Variants in SUGCT observed in about 807,000 individuals in gnomAD.
SUGCT encodes succinyl-CoA:glutarate-CoA transferase, also known as succinyl-CoA:glutarate CoA-transferase.
SUGCT carries 41 observed loss-of-function variants against 55.0 expected under a neutral mutation model. The observed-to-expected ratio is 0.74, with a 90% CI of 0.58 to 0.97. The LOEUF is 0.97. Ranked by LOEUF, SUGCT falls within the 50% of genes least tolerant of loss-of-function variation. SUGCT has a pLI of 0.00. For missense variants in SUGCT, 568 were observed against 547.8 expected, an observed-to-expected ratio of 1.04 and a Z score of -0.37; for synonymous variants, 187 against 200.4, an observed-to-expected ratio of 0.93 and a Z score of 0.56.
At chr7:40,538,480 G>T (rs184207965) in intron 12 of SUGCT, 2 of 152,068 alleles carry the variant, frequency 1.3e-5, no homozygotes, top group Non-Finnish European at 2.9e-5. Context: ...TCCTAAAATG[G>T]TCTCAATTAG....
intron 12 of SUGCT, among the ~76,000 whole-genome samples, chr7:40,680,331 AC>A (rs1277429020): frequency 1.3e-5 from 2 of 152,188 alleles, no homozygotes; most frequent in African/African-American, 4.8e-5. Flanking sequence ...GCAAATAGAA[AC>A]AAAAAAATCT....
chr7:41,010,582 G>A, the SUGCT span, among the ~76,000 whole-genome samples: 1 of 152,214 alleles, frequency 6.6e-6, no homozygotes, highest in Non-Finnish European at 1.5e-5. Flanking sequence ...ACTTGGAGAG[G>A]AGAAGTCACA....
At chr7:40,782,312 A>G (rs760846865) in intron 13 of SUGCT, among the ~76,000 whole-genome samples, 2 of 152,128 alleles carry the variant, frequency 1.3e-5, no homozygotes, top group Non-Finnish European at 2.9e-5. Flanking sequence ...TGACCAATTC[A>G]TCAGTAACTT....
chr7:40,275,919 G>A (rs1244565738), intron 8 of SUGCT, among the ~76,000 whole-genome samples: 1 of 152,082 alleles, frequency 6.6e-6, no homozygotes, highest in Non-Finnish European at 1.5e-5. Context: ...TTCCGTGATA[G>A]AAAAAGAAAA....
intron 9 of SUGCT, among the ~76,000 whole-genome samples, chr7:40,410,376 G>T (rs566262485): frequency 5.9e-5 from 9 of 152,002 alleles, no homozygotes; most frequent in Non-Finnish European, 8.8e-5. Context: ...AGGCAATAGG[G>T]AGACACTATT....
intron 9 of SUGCT, among the ~76,000 whole-genome samples, chr7:40,338,550 AG>A (rs1796852230): frequency 6.6e-6 from 1 of 152,194 alleles, no homozygotes; most frequent in South Asian, 2.1e-4. Context: ...CGGCTGCTGA[AG>A]CTTGTGCATT....
intron 1 of SUGCT, among the ~76,000 whole-genome samples, chr7:40,177,771 A>G (rs1033566771): frequency 2.0e-5 from 3 of 151,964 alleles, no homozygotes; most frequent in Non-Finnish European, 2.9e-5. Flanking sequence ...TATTTTTGAG[A>G]TGGAGTCTCC....
intron 9 of SUGCT, among the ~76,000 whole-genome samples, chr7:40,441,527 A>C (rs1249188559): frequency 1.3e-5 from 2 of 152,208 alleles, no homozygotes; most frequent in Non-Finnish European, 2.9e-5. Flanking sequence ...ATTTTGAAAA[A>C]GATATTTTGT....
chr7:40,996,433 A>G, the SUGCT span, among the ~76,000 whole-genome samples: 1 of 152,176 alleles, frequency 6.6e-6, no homozygotes, highest in Admixed American at 6.5e-5. Context: ...TTTAGAAGGC[A>G]GTGGTTTGTT....
intron 9 of SUGCT, among the ~76,000 whole-genome samples, chr7:40,420,484 G>A (rs974086427): frequency 6.6e-6 from 1 of 151,852 alleles, no homozygotes; most frequent in African/African-American, 2.4e-5. Flanking sequence ...GATTACAGGT[G>A]CCCGCCACCA....
intron 8 of SUGCT, among the ~76,000 whole-genome samples, chr7:40,293,448 T>A (rs1793918224): frequency 6.6e-6 from 1 of 152,232 alleles, no homozygotes; most frequent in African/African-American, 2.4e-5. Flanking sequence ...ACTGAGGTTT[T>A]AAAAATCTCT....
the SUGCT span, among the ~76,000 whole-genome samples, chr7:40,958,347 G>A: frequency 6.6e-6 from 1 of 151,762 alleles, no homozygotes; most frequent in Non-Finnish European, 1.5e-5. Context: ...TTTTTTGGAG[G>A]CTTTGTTCAT....
At chr7:40,517,857 C>T (rs1793331010) in intron 12 of SUGCT, among the ~76,000 whole-genome samples, 1 of 152,018 alleles carries the variant, frequency 6.6e-6, no homozygotes, top group South Asian at 2.1e-4. Flanking sequence ...CCCGGTAGAT[C>T]TTAAATCTAT....
At chr7:40,500,768 A>C (rs959914092) in intron 12 of SUGCT, among the ~76,000 whole-genome samples, 4 of 152,132 alleles carry the variant, frequency 2.6e-5, no homozygotes, top group Non-Finnish European at 5.9e-5. Context: ...ATATCTGAGC[A>C]TCTTATTTTT....
intron 1 of SUGCT, among the ~76,000 whole-genome samples, chr7:40,176,614 A>G (rs1364314263): frequency 1.3e-5 from 2 of 151,926 alleles, no homozygotes; most frequent in African/African-American, 2.4e-5. Flanking sequence ...AAATTGCTAA[A>G]TAACCTGATT....
chr7:40,616,053 G>T (rs1028398803), intron 12 of SUGCT, among the ~76,000 whole-genome samples: 3 of 152,128 alleles, frequency 2.0e-5, no homozygotes, highest in African/African-American at 7.2e-5. Flanking sequence ...ACTACCTAAT[G>T]TGAAAAATAG....
the SUGCT span, among the ~76,000 whole-genome samples, chr7:40,948,885 T>G: frequency 6.6e-6 from 1 of 152,212 alleles, no homozygotes; most frequent in African/African-American, 2.4e-5. Flanking sequence ...TCCAAGTCTT[T>G]GCTATTGTGA....
intron 9 of SUGCT, among the ~76,000 whole-genome samples, chr7:40,369,268 C>T (rs1387067791): frequency 6.6e-6 from 1 of 152,086 alleles, no homozygotes; most frequent in African/African-American, 2.4e-5. Flanking sequence ...TGTCTTCCCT[C>T]TGCTTTGGAA....
intron 11 of SUGCT, among the ~76,000 whole-genome samples, chr7:40,475,826 C>T (rs1790634563): frequency 6.6e-6 from 1 of 152,006 alleles, no homozygotes; most frequent in South Asian, 2.1e-4. Flanking sequence ...AAGTCAGTTT[C>T]CTTTCCCATG....
Sources: gnomAD v4.1 joint callset for allele counts (sites outside exome capture counted in the v4.1 genomes callset) on GRCh38, gnomAD v4.1.1 for gene constraint, MANE v1.5 for transcripts, NCBI Gene and HGNC (gene_info 2026-07-23, HGNC 2026-07-21) for gene names.